EEF1E1: variants seen among roughly 807,000 people sequenced by gnomAD.
EEF1E1 encodes eukaryotic translation elongation factor 1 epsilon 1, also known as eukaryotic translation elongation factor 1 epsilon-1.
Under a neutral mutation model 19.9 loss-of-function variants are expected in EEF1E1, and 19 were observed. The observed-to-expected ratio is 0.95, with a 90% CI of 0.66 to 1.40. The LOEUF (loss-of-function observed/expected upper bound fraction) is 1.40. Ranked by LOEUF, EEF1E1 falls within the 40% of genes most tolerant of loss-of-function variation. The probability of loss-of-function intolerance (pLI) is 0.00; values close to 1 mark genes in which losing one functional copy is unlikely to be tolerated. For missense variants in EEF1E1, 198 were observed against 202.2 expected, an observed-to-expected ratio of 0.98 and a Z score of 0.13; for synonymous variants, 81 against 80.0, an observed-to-expected ratio of 1.01 and a Z score of -0.07.
chr6:8,095,565 GTTTT>G (rs34723432), intron 2 of EEF1E1: 1 of 148,276 alleles, frequency 6.7e-6, no homozygotes. Flanking sequence ...GTAGGTGCCT[GTTTT>G]TTTTTTTTTT....
chr6:8,094,679 T>C (rs1445881170), intron 2 of EEF1E1, among the ~76,000 whole-genome samples: 1 of 152,130 alleles, frequency 6.6e-6, no homozygotes, highest in African/African-American at 2.4e-5. Flanking sequence ...GTGGTACAAT[T>C]ACAGCTTAAA....
At chr6:8,090,049 G>A (rs1170799281) in intron 3 of EEF1E1, 137 bp downstream of exon 3, 1 of 555,788 alleles carries the variant, frequency 1.8e-6, no homozygotes, top group African/African-American at 2.0e-5. Flanking sequence ...TGTTACAAAA[G>A]GCACCTTGTA....
intron 3 of EEF1E1, chr6:8,089,873 G>GA (rs903341341): frequency 3.2e-6 from 1 of 313,144 alleles, no homozygotes; most frequent in Admixed American, 4.9e-5. Context: ...AGAAGCATAG[G>GA]AAAAAAATCA....
chr6:8,092,348 CTT>C (rs1223036576), intron 2 of EEF1E1, among the ~76,000 whole-genome samples: 1 of 152,198 alleles, frequency 6.6e-6, no homozygotes, highest in Non-Finnish European at 1.5e-5. Flanking sequence ...AATTTAATCT[CTT>C]TGAGTTTGCA....
intron 2 of EEF1E1, among the ~76,000 whole-genome samples, chr6:8,092,268 T>C (rs2113655632): frequency 6.6e-6 from 1 of 152,324 alleles, no homozygotes; most frequent in African/African-American, 2.4e-5. Flanking sequence ...ATATAGTGGT[T>C]CAGCAATCAG....
In EEF1E1 at chr6:8,102,525, C is replaced by T; in HGVS notation, c.-4G>A. On this transcript the variant is annotated 5_prime_UTR_variant, in exon 1 of 4. Transcript: ENST00000379715. The stretch of plus-strand genomic sequence containing the variant: ...ACAACTCTGCGGCCGCCGCCATCTT[C>T]CGGCCGTAGCTCCTGGCAGACGCGA... The T allele has an allele frequency of 1.9e-6, 3 of 1,609,882 alleles. No individual in the cohort carries two copies. The highest frequency in any genetic ancestry group is 2.5e-6 in the Non-Finnish European group (3 of 1,179,954).
At chr6:8,089,982 A>AAATTCAAGACAAAGTTTTTTTT (rs1561884685) in intron 3 of EEF1E1, 1 of 402,340 alleles carries the variant, frequency 2.5e-6, no homozygotes, top group Non-Finnish European at 4.4e-6. Context: ...AAGTTTTTTT[A>AAATTCAAGACAAAGTTTTTTTT]AATTTTATTA....
rs1202310677 is a variant in EEF1E1 at position 8,087,869 on chromosome 6, A to C, written c.384+2317T>G. On this transcript the variant is annotated intron_variant, in intron 3 of 3. Coordinates refer to ENST00000379715, the MANE Select transcript of EEF1E1 (RefSeq NM_004280.5). ...GATTGACTGGATGCATGAGGTGCAC[A>C]ATGCACAAAAACACATGAGTTCTTT... 2.6e-5 allele frequency among the ~76,000 whole-genome samples: 4 copies of C among 152,348 alleles called. No individual in the cohort carries two copies. In the East Asian group the frequency reaches 7.7e-4, roughly 29 times the overall value.
downstream of EEF1E1, among the ~76,000 whole-genome samples, chr6:8,075,215 C>T (rs1757563148): frequency 6.6e-6 from 1 of 152,182 alleles, no homozygotes; most frequent in South Asian, 2.1e-4. Flanking sequence ...AGACACATAA[C>T]AACTCCCATA....
intron 2 of EEF1E1, 33 bp from the exon 3 acceptor site, chr6:8,090,314 G>A: frequency 7.4e-7 from 1 of 1,354,028 alleles, no homozygotes; most frequent in Non-Finnish European, 9.7e-7. Context: ...AAATATTAAT[G>A]TAAAAAACAG....
At chr6:8,077,069 G>C (rs910593970), downstream of EEF1E1, among the ~76,000 whole-genome samples, 1 of 151,380 alleles carries the variant, frequency 6.6e-6, no homozygotes, top group East Asian at 2.0e-4. Flanking sequence ...TCAGCTTCCC[G>C]AGTAGCTGGG....
At chr6:8,097,490 C>G in intron 1 of EEF1E1, 23 bp from the exon 2 acceptor site, 2 of 1,592,864 alleles carry the variant, frequency 1.3e-6, no homozygotes, top group South Asian at 2.3e-5. Context: ...AAAAAGTTCA[C>G]AGAATTTAAA....
At chr6:8,073,997 A>G (rs57346002) in intron 3 of EEF1E1, among the ~76,000 whole-genome samples, 2,282 of 152,322 alleles carry the variant, frequency 0.015, 55 homozygotes, top group African/African-American at 0.053. Context: ...ATTGTAAATC[A>G]ATACAGCCAA....
intron 1 of EEF1E1, among the ~76,000 whole-genome samples, chr6:8,099,522 G>A (rs764459562): frequency 1.3e-5 from 2 of 152,092 alleles, no homozygotes; most frequent in Non-Finnish European, 2.9e-5. Context: ...TGAGGTGGGC[G>A]GATCACCTGA....
At chr6:8,096,943 A>G (rs951574964) in intron 2 of EEF1E1, among the ~76,000 whole-genome samples, 2 of 152,214 alleles carry the variant, frequency 1.3e-5, no homozygotes, top group Admixed American at 6.5e-5. Context: ...CATCAAAAAA[A>G]CAAAAAAAGT....
At position 8,079,943 on chromosome 6, in the gene EEF1E1, G is replaced by A; in HGVS notation, c.472C>T (p.His158Tyr). The change falls in exon 4 of 4, where the codon CAT (histidine) becomes TAT (tyrosine). Residue 158 changes from histidine to tyrosine, a missense_variant. Physicochemically the swap from His to Tyr is moderately conservative, Grantham distance 83. Coordinates refer to ENST00000379715, the MANE Select transcript of EEF1E1 (RefSeq NM_004280.5). ...TTGATGAAGACAACACTAGACAGATGTTGCCTGATGCCTGGATAATGCTGA... is the reference window on the plus strand; with the variant it reads ...TTGATGAAGACAACACTAGACAGATATTGCCTGATGCCTGGATAATGCTGA... ...HIQHYPGIRQ[H>Y]LSSVVFIKNR... 1 of 1,613,380 alleles carries A rather than the reference G, an allele frequency of 6.2e-7. No individual in the cohort carries two copies. Among genetic ancestry groups the A allele is most frequent in the Non-Finnish European group, 8.5e-7 (1 of 1,179,946 alleles).
chr6:8,092,531 A>C (rs1758041040), intron 2 of EEF1E1, among the ~76,000 whole-genome samples: 1 of 152,192 alleles, frequency 6.6e-6, no homozygotes, highest in African/African-American at 2.4e-5. Flanking sequence ...GGTGGTACAG[A>C]TAAGAACATA....
chr6:8,079,862 TA>T lies in EEF1E1; in HGVS notation c.*27del. ...CATTTTCCATTTAAAACATTTTTAA[TA>T]GATCTTCTGTATGGCATGGACAGCT... On this transcript the variant is annotated 3_prime_UTR_variant, in exon 4 of 4. Transcript: ENST00000379715. 1 of 1,596,432 alleles carries T rather than the reference TA, an allele frequency of 6.3e-7. No homozygotes were observed. Among genetic ancestry groups the T allele is most frequent in the East Asian group, 2.2e-5 (1 of 44,630 alleles).
At chr6:8,085,885 A>G (rs976677188) in intron 3 of EEF1E1, among the ~76,000 whole-genome samples, 3 of 152,160 alleles carry the variant, frequency 2.0e-5, no homozygotes, top group Non-Finnish European at 2.9e-5. Flanking sequence ...CATTTTCTCT[A>G]CTTCATTAAT....
Sources: allele counts gnomAD v4.1 joint callset (sites outside exome capture counted in the v4.1 genomes callset), GRCh38; gene constraint gnomAD v4.1.1; transcripts MANE v1.5; gene names NCBI Gene and HGNC (gene_info 2026-07-23, HGNC 2026-07-21).